SGPP1: variants seen among roughly 807,000 people sequenced by gnomAD.
SGPP1 encodes sphingosine-1-phosphate phosphatase 1.
A neutral mutation model predicts 33.0 loss-of-function variants in SGPP1; 21 were observed. The ratio of observed to expected loss-of-function variants is 0.64; its 90% confidence interval spans 0.45 to 0.92. SGPP1 has a LOEUF of 0.92. SGPP1 is among the 40% of genes least tolerant of loss of function. SGPP1 has a pLI of 0.00. For missense variants in SGPP1, 543 were observed against 589.4 expected (o/e 0.92, Z 0.81); for synonymous variants, 239 against 241.2 (o/e 0.99, Z 0.08).
chr14:63,697,916 AGTT>A (rs1885219125), intron 2 of SGPP1, among the ~76,000 whole-genome samples: 1 of 152,232 alleles, frequency 6.6e-6, no homozygotes, highest in Non-Finnish European at 1.5e-5. Flanking sequence ...TCAAACTGGA[AGTT>A]GGCTACTAAT....
chr14:63,712,594 A>C (rs528929012), intron 1 of SGPP1, among the ~76,000 whole-genome samples: 1 of 152,352 alleles, frequency 6.6e-6, no homozygotes, highest in Admixed American at 6.5e-5. Flanking sequence ...AATTTATAAA[A>C]ATAAAACTAT....
At chr14:63,717,615 C>A (rs1885662906) in intron 1 of SGPP1, among the ~76,000 whole-genome samples, 1 of 152,156 alleles carries the variant, frequency 6.6e-6, no homozygotes, top group Non-Finnish European at 1.5e-5. Flanking sequence ...AGCCACCACA[C>A]CCGTACTGAA....
At chr14:63,708,443 T>C (rs1383345243) in intron 1 of SGPP1, among the ~76,000 whole-genome samples, 1 of 151,454 alleles carries the variant, frequency 6.6e-6, no homozygotes, top group Admixed American at 6.6e-5. Flanking sequence ...TTTGTATTTT[T>C]AGTAGAGATG....
chr14:63,716,872 T>C (rs543848497), intron 1 of SGPP1, among the ~76,000 whole-genome samples: 1 of 152,168 alleles, frequency 6.6e-6, no homozygotes, highest in Admixed American at 6.5e-5. Flanking sequence ...TTTGTATTTT[T>C]AGTAGAGAGG....
Position 63,686,412 on chromosome 14 carries a change from C to A in SGPP1, c.1019G>T (p.Gly340Val). 1.2e-6 allele frequency: 2 copies of A among 1,614,110 alleles called. No individual in the cohort carries two copies. The highest frequency in any genetic ancestry group is 1.7e-6 in the Non-Finnish European group (2 of 1,180,008). ...ACGSHVTYNM[G>V]LVLDPSLDTL... ...ATCTAGAGAAGGATCTAATACTAGA[C>A]CCATGTTATAAGTAACATGAGATCC... The change falls in exon 3 of 3, where the codon GGT becomes GTT. Residue 340 changes from glycine to valine, a missense_variant. Physicochemically the swap from Gly to Val is moderately radical, Grantham distance 109. Transcript: ENST00000247225.
intron 1 of SGPP1, among the ~76,000 whole-genome samples, chr14:63,720,305 A>T (rs1885743939): frequency 6.6e-6 from 1 of 151,908 alleles, no homozygotes; most frequent in African/African-American, 2.4e-5. Context: ...AAAAAAAGGA[A>T]GGAAGGATGG....
chr14:63,723,177 A>C (rs943552246), intron 1 of SGPP1, among the ~76,000 whole-genome samples: 1 of 152,124 alleles, frequency 6.6e-6, no homozygotes, highest in African/African-American at 2.4e-5. Context: ...TCAAAGGACT[A>C]TTTATTGTCT....
chr14:63,727,545 A>C lies in SGPP1; in HGVS notation c.400T>G (p.Phe134Val), dbSNP rs771477066. Residue 134 changes from phenylalanine (F) to valine (V), a missense_variant, in exon 1 of 3, where the codon TTC becomes GTC. Physicochemically the swap from Phe to Val is conservative, Grantham distance 50. Transcript: ENST00000247225. ...SNWPLYCLFC[F>V]GTELGNELFY... Reference sequence around the variant, plus strand: ...AGTTCGTTGCCCAGCTCCGTGCCGAAGCAGAACAGGCAGTAGAGCGGCCAG... The same window carrying C: ...AGTTCGTTGCCCAGCTCCGTGCCGACGCAGAACAGGCAGTAGAGCGGCCAG... 3.1e-6 allele frequency: 5 copies of C among 1,613,520 alleles called. No individual in the cohort carries two copies. The Admixed American group carries it at 6.7e-5, about 22-fold the overall frequency.
intron 2 of SGPP1, among the ~76,000 whole-genome samples, chr14:63,686,907 A>T (rs1037038097): frequency 6.6e-6 from 1 of 152,194 alleles, no homozygotes; most frequent in Non-Finnish European, 1.5e-5. Context: ...ACAAATTTAC[A>T]TTCAAATTCT....
chr14:63,709,349 G>C (rs1339350966), intron 1 of SGPP1, among the ~76,000 whole-genome samples: 2 of 151,242 alleles, frequency 1.3e-5, no homozygotes, highest in Non-Finnish European at 2.9e-5. Flanking sequence ...ACTCCAGCCT[G>C]GGCAACAAGA....
intron 2 of SGPP1, among the ~76,000 whole-genome samples, chr14:63,695,022 A>G (rs1285744075): frequency 6.6e-6 from 1 of 152,092 alleles, no homozygotes; most frequent in Non-Finnish European, 1.5e-5. Context: ...CAGGTCTCCC[A>G]TCTCATAATG....
At position 63,686,172 on chromosome 14, in the gene SGPP1, T is replaced by A. The variant is rs1884967771; in HGVS notation, c.1259A>T (p.Tyr420Phe). The change falls in exon 3 of 3, where the codon TAT becomes TTT. Residue 420 changes from tyrosine (Y) to phenylalanine (F), a missense_variant. Transcript: ENST00000247225. ...TGTGATGGAGAAACCAACCATTCCA[T>A]AGGTAATATACCGATAAGGAAGTTC... ...EVELPYRYITYGMVGFSITFF... is the reference protein window; with the variant it reads ...EVELPYRYITFGMVGFSITFF... 6.2e-7 allele frequency: 1 copy of A among 1,612,560 alleles called. No homozygotes were observed. Among genetic ancestry groups the A allele is most frequent in the Non-Finnish European group, 8.5e-7 (1 of 1,179,370 alleles).
chr14:63,708,205 C>G (rs906523094), intron 1 of SGPP1, among the ~76,000 whole-genome samples: 1 of 151,472 alleles, frequency 6.6e-6, no homozygotes, highest in African/African-American at 2.4e-5. Flanking sequence ...CCTACCTAAC[C>G]CAATCTTTCT....
intron 2 of SGPP1, among the ~76,000 whole-genome samples, chr14:63,695,143 G>A (rs1032913782): frequency 6.6e-6 from 1 of 152,030 alleles, no homozygotes; most frequent in Non-Finnish European, 1.5e-5. Context: ...TGCAAGCTCC[G>A]CCTCCCGGGT....
chr14:63,701,420 T>C (rs1389550535), intron 1 of SGPP1, among the ~76,000 whole-genome samples: 4 of 152,180 alleles, frequency 2.6e-5, no homozygotes, highest in African/African-American at 9.7e-5. Flanking sequence ...TGGGGCAGGT[T>C]ACAGTATTAA....
intron 2 of SGPP1, among the ~76,000 whole-genome samples, chr14:63,692,625 A>G (rs1356091538): frequency 6.6e-6 from 1 of 151,660 alleles, no homozygotes; most frequent in Non-Finnish European, 1.5e-5. Flanking sequence ...AATATTTTGT[A>G]TTTTTTTGTA....
chr14:63,703,436 C>G (rs1885342474), intron 1 of SGPP1, among the ~76,000 whole-genome samples: 1 of 151,944 alleles, frequency 6.6e-6, no homozygotes. Context: ...GGGCGGATCA[C>G]AAGGTCAAGA....
intron 1 of SGPP1, among the ~76,000 whole-genome samples, chr14:63,719,223 C>T (rs1885718471): frequency 6.7e-6 from 1 of 150,202 alleles, no homozygotes; most frequent in Non-Finnish European, 1.5e-5. Flanking sequence ...GACAGGGCTT[C>T]TCCATGTCTG....
intron 2 of SGPP1, 31 bp downstream of exon 2, chr14:63,698,534 AAAAT>A: frequency 8.3e-7 from 1 of 1,206,366 alleles, no homozygotes; most frequent in Non-Finnish European, 1.2e-6. Context: ...AATGTCATAA[AAAAT>A]AAAGTATTAA....
Sources: gnomAD v4.1 joint callset for allele counts (sites outside exome capture counted in the v4.1 genomes callset) on GRCh38, gnomAD v4.1.1 for gene constraint, MANE v1.5 for transcripts, NCBI Gene and HGNC (gene_info 2026-07-23, HGNC 2026-07-21) for gene names.